LRP1B: variants seen among roughly 807,000 people sequenced by gnomAD.
LRP1B encodes the protein low-density lipoprotein receptor-related protein 1B.
Under a neutral mutation model 556.6 loss-of-function variants are expected in LRP1B, and 217 were observed. The ratio of observed to expected loss-of-function variants is 0.39; its 90% CI spans 0.35 to 0.44. The LOEUF is 0.44. Among genes scored for constraint, LRP1B ranks in the 20% least tolerant of loss-of-function variants. The pLI, the probability that LRP1B is intolerant of heterozygous loss-of-function variation, is 1.00. For missense variants in LRP1B, 5,053 were observed against 5,620.8 expected (o/e 0.90, Z 3.23); for synonymous variants, 2,047 against 1,865.8 (o/e 1.10, Z -2.50).
intron 3 of LRP1B, among the ~76,000 whole-genome samples, chr2:141,374,805 T>C (rs1044228888): frequency 6.6e-6 from 1 of 152,220 alleles, no homozygotes; most frequent in East Asian, 1.9e-4. Context: ...TTTTCAGATT[T>C]TTCTTATATC....
At chr2:140,378,410 T>C (rs1558840772) in intron 67 of LRP1B, 124 bp from the exon 68 acceptor site, 4 of 581,662 alleles carry the variant, frequency 6.9e-6, no homozygotes, top group Admixed American at 3.4e-5. Context: ...AGAACCAATA[T>C]ATTGTTTAGG....
intron 84 of LRP1B, among the ~76,000 whole-genome samples, chr2:140,287,366 A>G (rs1031742416): frequency 6.6e-6 from 1 of 151,746 alleles, no homozygotes; most frequent in African/African-American, 2.4e-5. Flanking sequence ...GTACCACAGA[A>G]ATGACCTTAA....
chr2:141,882,209 C>T (rs1698980068), intron 1 of LRP1B, among the ~76,000 whole-genome samples: 1 of 152,076 alleles, frequency 6.6e-6, no homozygotes, highest in Admixed American at 6.6e-5. Flanking sequence ...GGTCAGCCAC[C>T]CCCAAAGCCC....
intron 6 of LRP1B, among the ~76,000 whole-genome samples, chr2:141,204,756 G>C (rs994538488): frequency 2.0e-5 from 3 of 152,038 alleles, no homozygotes; most frequent in Non-Finnish European, 4.4e-5. Flanking sequence ...GGCCAAGATG[G>C]TGAAACCCCG....
chr2:141,555,443 T>G (rs1476490202), intron 2 of LRP1B, among the ~76,000 whole-genome samples: 1 of 151,986 alleles, frequency 6.6e-6, no homozygotes, highest in Non-Finnish European at 1.5e-5. Flanking sequence ...GTCCTGTCTC[T>G]GAGACTAAAG....
At chr2:140,359,672 A>T (rs1682415367) in intron 72 of LRP1B, among the ~76,000 whole-genome samples, 1 of 151,468 alleles carries the variant, frequency 6.6e-6, no homozygotes, top group African/African-American at 2.4e-5. Flanking sequence ...CTCTTGAATT[A>T]TTTGCTTAGT....
rs184990200 is a variant in LRP1B at position 140,459,484 on chromosome 2, C to T, written c.9626-1833G>A. Among the ~76,000 whole-genome samples the T allele has an allele frequency of 8.5e-4, 129 of 152,114 alleles. 1 individual carries two copies. Among genetic ancestry groups the T allele is most frequent in the African/African-American group, 3.0e-3 (125 of 41,516 alleles). On this transcript the variant is annotated intron_variant, in intron 60 of 90. Coordinates refer to ENST00000389484, the MANE Select transcript of LRP1B (RefSeq NM_018557.3). Reference sequence around the variant, plus strand: ...ATCATCATTTTTAACAATCTCAATCCATAAGAGATTCAGTTTACTTTTGTA... The same window carrying T: ...ATCATCATTTTTAACAATCTCAATCTATAAGAGATTCAGTTTACTTTTGTA...
At chr2:141,269,491 C>A (rs1573735246) in intron 3 of LRP1B, among the ~76,000 whole-genome samples, 1 of 152,184 alleles carries the variant, frequency 6.6e-6, no homozygotes, top group East Asian at 1.9e-4. Context: ...ATCAGATAAA[C>A]AGATAGTCAA....
At chr2:141,343,154 A>G (rs1406183820) in intron 3 of LRP1B, among the ~76,000 whole-genome samples, 1 of 152,154 alleles carries the variant, frequency 6.6e-6, no homozygotes, top group Non-Finnish European at 1.5e-5. Flanking sequence ...TAAATTTACT[A>G]ATCTTCTATT....
chr2:141,806,495 A>T (rs1696172715), intron 2 of LRP1B, among the ~76,000 whole-genome samples: 1 of 152,070 alleles, frequency 6.6e-6, no homozygotes, highest in South Asian at 2.1e-4. Flanking sequence ...TGGTAAGATT[A>T]TAAATTATTA....
chr2:140,720,140 C>T (rs1249426567), intron 35 of LRP1B, among the ~76,000 whole-genome samples: 1 of 151,826 alleles, frequency 6.6e-6, no homozygotes, highest in African/African-American at 2.4e-5. Context: ...TTCTTAAGTA[C>T]CTCCATTCAA....
At chr2:140,771,722 A>C (rs1333763941) in intron 33 of LRP1B, among the ~76,000 whole-genome samples, 1 of 152,144 alleles carries the variant, frequency 6.6e-6, no homozygotes. Flanking sequence ...TGGTAGTGGG[A>C]AGTTAAGTAA....
At chr2:140,997,091 G>T (rs1433055668) in intron 15 of LRP1B, among the ~76,000 whole-genome samples, 1 of 151,930 alleles carries the variant, frequency 6.6e-6, no homozygotes, top group African/African-American at 2.4e-5. Context: ...TCTACAGTAT[G>T]ATCTCACCAA....
chr2:140,658,897 G>C (rs1050213947), intron 41 of LRP1B, among the ~76,000 whole-genome samples: 1 of 151,906 alleles, frequency 6.6e-6, no homozygotes, highest in Non-Finnish European at 1.5e-5. Context: ...CTGAAAATTT[G>C]TCAGATAATG....
At chr2:141,568,492 A>G (rs977749506) in intron 2 of LRP1B, among the ~76,000 whole-genome samples, 1 of 151,048 alleles carries the variant, frequency 6.6e-6, no homozygotes, top group Admixed American at 6.6e-5. Flanking sequence ...CAAAAAATGA[A>G]GACTCTGATA....
intron 20 of LRP1B, among the ~76,000 whole-genome samples, chr2:140,924,261 C>T (rs1694823431): frequency 6.6e-6 from 1 of 151,912 alleles, no homozygotes; most frequent in Non-Finnish European, 1.5e-5. Flanking sequence ...ATCACCAAAG[C>T]AGTCACTTAC....
intron 11 of LRP1B, among the ~76,000 whole-genome samples, chr2:141,047,798 C>CT (rs1177204609): frequency 2.6e-5 from 4 of 152,004 alleles, no homozygotes; most frequent in Non-Finnish European, 5.9e-5. Flanking sequence ...TTGTGCTTTT[C>CT]TTTTTTTATC....
intron 32 of LRP1B, among the ~76,000 whole-genome samples, chr2:140,808,484 C>T (rs1401084712): frequency 6.6e-6 from 1 of 152,174 alleles, no homozygotes; most frequent in Non-Finnish European, 1.5e-5. Context: ...AAGTCACTGT[C>T]TTGGCAAACT....
At chr2:141,801,704 G>T (rs905250623) in intron 2 of LRP1B, among the ~76,000 whole-genome samples, 6 of 151,944 alleles carry the variant, frequency 3.9e-5, no homozygotes, top group Admixed American at 2.6e-4. Flanking sequence ...TGTTCTTAAA[G>T]GTTTGTAACT....
Sources: allele counts gnomAD v4.1 joint callset (sites outside exome capture counted in the v4.1 genomes callset), GRCh38; gene constraint gnomAD v4.1.1; transcripts MANE v1.5; gene names NCBI Gene and HGNC (gene_info 2026-07-23, HGNC 2026-07-21).